The following SNX29 variants were observed in gnomAD, a reference collection of about 807,000 sequenced individuals.
SNX29 encodes the protein sorting nexin-29.
In SNX29, 78 loss-of-function variants were observed where a neutral mutation model predicts 102.1. The ratio of observed to expected loss-of-function variants is 0.76; its 90% CI spans 0.64 to 0.92. SNX29 has a LOEUF of 0.92. SNX29 is among the 40% of genes least tolerant of loss of function. The pLI is 0.00. For missense variants in SNX29, 1,280 were observed against 1,061.7 expected (o/e 1.21, Z -2.86); for synonymous variants, 580 against 414.5 (o/e 1.40, Z -4.85).
chr16:12,485,091 A>T (rs965831695), intron 19 of SNX29, among the ~76,000 whole-genome samples: 3 of 152,220 alleles, frequency 2.0e-5, no homozygotes, highest in African/African-American at 7.2e-5. Flanking sequence ...AAAAATCTCA[A>T]TTCCAAAAGT....
At chr16:12,443,224 G>C in intron 18 of SNX29, 1 of 329,244 alleles carries the variant, frequency 3.0e-6, no homozygotes, top group Admixed American at 4.0e-5. Flanking sequence ...ATGGCATTGC[G>C]GCACTGAGAC....
chr16:12,286,028 A>G (rs928561214), intron 15 of SNX29, among the ~76,000 whole-genome samples: 2 of 152,042 alleles, frequency 1.3e-5, no homozygotes, highest in Admixed American at 1.3e-4. Context: ...TTTTTAGTAG[A>G]GACAGGGTTT....
chr16:12,319,381 C>G (rs1447436598), intron 15 of SNX29, among the ~76,000 whole-genome samples: 1 of 152,100 alleles, frequency 6.6e-6, no homozygotes, highest in East Asian at 1.9e-4. Context: ...GTAGTTCCAG[C>G]TACTGGGGAG....
intron 14 of SNX29, among the ~76,000 whole-genome samples, chr16:12,271,177 T>G (rs943096276): frequency 9.9e-5 from 15 of 152,230 alleles, no homozygotes; most frequent in Non-Finnish European, 2.2e-4. Flanking sequence ...TTTACAATCT[T>G]TGTGTGGGAT....
intron 13 of SNX29, among the ~76,000 whole-genome samples, chr16:12,152,697 T>C (rs773141501): frequency 1.6e-4 from 25 of 152,234 alleles, no homozygotes; most frequent in Admixed American, 2.0e-4. Context: ...ATGAACGCAG[T>C]ACATACACCA....
rs143511255 is a variant in SNX29 at position 12,429,394 on chromosome 16, G to A, written c.2037+25865G>A. On this transcript the variant is annotated intron_variant, in intron 18 of 20. Coordinates refer to ENST00000566228, the MANE Select transcript of SNX29 (RefSeq NM_032167.5). ...TGCATTTTTTTCTTTAGTTGGAATC[G>A]TGTCACATGTAAACGTCTGTGTTCT... Among the ~76,000 whole-genome samples the A allele has an allele frequency of 2.0e-3, 311 of 152,180 alleles. 2 individuals carry two copies. The highest frequency in any genetic ancestry group is 5.9e-3 in the African/African-American group (247 of 41,528).
At chr16:12,181,342 A>C (rs983765977) in intron 13 of SNX29, among the ~76,000 whole-genome samples, 26 of 152,204 alleles carry the variant, frequency 1.7e-4, no homozygotes, top group African/African-American at 6.3e-4. Context: ...GGCATCAATC[A>C]ACATATGCAA....
At chr16:12,450,317 G>T (rs1377238721) in intron 18 of SNX29, among the ~76,000 whole-genome samples, 1 of 152,224 alleles carries the variant, frequency 6.6e-6, no homozygotes, top group African/African-American at 2.4e-5. Flanking sequence ...GAGGGCTCTT[G>T]AGTGGTGGGG....
At chr16:12,336,864 T>G (rs1301699670) in intron 15 of SNX29, among the ~76,000 whole-genome samples, 1 of 152,200 alleles carries the variant, frequency 6.6e-6, no homozygotes, top group African/African-American at 2.4e-5. Flanking sequence ...GAGGATCACT[T>G]GAGTCCAGGA....
Position 12,572,401 on chromosome 16 carries a change from C to T in SNX29, c.*3772C>T. On this transcript the variant is annotated 3_prime_UTR_variant, in exon 21 of 21. Coordinates refer to ENST00000566228, the MANE Select transcript of SNX29 (RefSeq NM_032167.5). ...CGGCTTATATCCCAACAGCCTGAGG[C>T]AGGGCTCTGTGGCCCAGGCCGGCAG... 2.1e-5 allele frequency: 22 copies of T among 1,063,478 alleles called. No individual in the cohort carries two copies. The highest frequency in any genetic ancestry group is 2.4e-5 in the Non-Finnish European group (21 of 878,106). The allele number at this position is 1,063,478 out of a possible 1,614,324, so 65.9% of individuals were successfully genotyped here. A position where few individuals can be genotyped will look rare whatever the true frequency, so the allele number is the denominator to read the frequency against.
intron 18 of SNX29, among the ~76,000 whole-genome samples, chr16:12,448,976 G>T (rs1047851160): frequency 4.6e-5 from 7 of 152,178 alleles, no homozygotes; most frequent in African/African-American, 1.7e-4. Context: ...AAGAGTTGCT[G>T]GCTGCAGGGC....
chr16:12,553,270 A>T (rs940370100), intron 20 of SNX29, among the ~76,000 whole-genome samples: 2 of 152,224 alleles, frequency 1.3e-5, no homozygotes, highest in African/African-American at 4.8e-5. Context: ...ACTGCCGCCT[A>T]GGGGCACAGA....
chr16:12,560,975 C>A (rs3751783), intron 20 of SNX29: 50,203 of 213,566 alleles, frequency 0.24, 6,461 homozygotes, highest in East Asian at 0.45. Context: ...TTCAAGGAAC[C>A]CTTGGGTACT....
At chr16:12,242,587 TCTC>T (rs2142307337) in intron 14 of SNX29, among the ~76,000 whole-genome samples, 1 of 148,826 alleles carries the variant, frequency 6.7e-6, no homozygotes, top group African/African-American at 2.5e-5. Context: ...CTTTTCTTCT[TCTC>T]TTCTTCTTCT....
chr16:12,399,341 C>T (rs116252975), intron 17 of SNX29, among the ~76,000 whole-genome samples: 1,580 of 152,268 alleles, frequency 0.01, 27 homozygotes, highest in African/African-American at 0.036. Context: ...TGGGAGCCAC[C>T]GTGCCCAGCC....
intron 13 of SNX29, among the ~76,000 whole-genome samples, chr16:12,136,300 G>A (rs775370413): frequency 4.6e-5 from 7 of 152,192 alleles, no homozygotes; most frequent in East Asian, 1.9e-4. Flanking sequence ...CTGTTGATGC[G>A]TCACGGTCAC....
chr16:11,999,040 C>CT (rs2056191889), intron 1 of SNX29, among the ~76,000 whole-genome samples: 1 of 152,140 alleles, frequency 6.6e-6, no homozygotes. Flanking sequence ...AGCTAAACAT[C>CT]TTACAATGTC....
chr16:12,003,117 C>A (rs575580110), intron 3 of SNX29, 74 bp downstream of exon 3: 1 of 1,582,442 alleles, frequency 6.3e-7, no homozygotes, highest in African/African-American at 1.3e-5. Context: ...CTTCTAAAAC[C>A]GTTGACCATC....
intron 10 of SNX29, among the ~76,000 whole-genome samples, chr16:12,077,384 A>G (rs1035283315): frequency 4.0e-5 from 5 of 125,108 alleles, no homozygotes; most frequent in African/African-American, 1.0e-4. Context: ...CCTCCTAGTC[A>G]TGGTGTGTGT....
Sources: gnomAD v4.1 joint callset for allele counts (sites outside exome capture counted in the v4.1 genomes callset) on GRCh38, gnomAD v4.1.1 for gene constraint, MANE v1.5 for transcripts, NCBI Gene and HGNC (gene_info 2026-07-23, HGNC 2026-07-21) for gene names.